Variants in PLEKHG1 observed in about 807,000 individuals in gnomAD.
The protein encoded by PLEKHG1 is pleckstrin homology and RhoGEF domain containing G1, also known as pleckstrin homology domain-containing family G member 1.
PLEKHG1 carries 44 observed loss-of-function variants against 100.8 expected under a neutral mutation model. The observed-to-expected ratio is 0.44, with a 90% CI of 0.34 to 0.56. The LOEUF is 0.56. PLEKHG1 is among the 20% of genes least tolerant of loss of function. PLEKHG1 has a pLI of 0.01. For synonymous variants in PLEKHG1, 640 were observed against 662.5 expected, an observed-to-expected ratio of 0.97 and a Z score of 0.52; for missense variants, 1,545 against 1,720.9, an observed-to-expected ratio of 0.90 and a Z score of 1.81.
intron 1 of PLEKHG1, among the ~76,000 whole-genome samples, chr6:150,613,947 AAGTT>A (rs1364118635): frequency 1.3e-5 from 2 of 152,200 alleles, no homozygotes; most frequent in African/African-American, 4.8e-5. Context: ...TAATAAAAAT[AAGTT>A]AGTCAGATTT....
chr6:150,721,683 G>A (rs879871362), intron 1 of PLEKHG1, among the ~76,000 whole-genome samples: 2 of 152,178 alleles, frequency 1.3e-5, no homozygotes, highest in African/African-American at 2.4e-5. Flanking sequence ...TCTGAGTCTA[G>A]TGGCAACCAA....
rs745991743 is a variant in PLEKHG1 at position 150,831,638 on chromosome 6, G to A, written c.2527G>A (p.Glu843Lys). The change falls in exon 15 of 16, where the codon GAA (glutamate) becomes AAA (lysine). Residue 843 changes from glutamate to lysine, a missense_variant. By Grantham distance (56) the Glu-to-Lys change is moderately conservative. Transcript: ENST00000358517. The surrounding 1 kb of genome is among the most constrained non-coding windows in gnomAD (Gnocchi z 4.1). Reference sequence around the variant, plus strand: ...AGTAGATGAAATCTGGAATGACCTGGAAAATTACATCAAGAAAAATGAAGA... The same window carrying A: ...AGTAGATGAAATCTGGAATGACCTGAAAAATTACATCAAGAAAAATGAAGA... The A allele has an allele frequency of 2.5e-6, 4 of 1,613,772 alleles. No homozygotes were observed. The highest frequency in any genetic ancestry group is 2.5e-6 in the Non-Finnish European group (3 of 1,180,000).
intron 3 of PLEKHG1, among the ~76,000 whole-genome samples, chr6:150,707,469 A>G (rs1781071339): frequency 6.6e-6 from 1 of 152,184 alleles, no homozygotes; most frequent in Non-Finnish European, 1.5e-5. Flanking sequence ...GGCAGATCAT[A>G]TAAAGGAGTG....
chr6:150,653,677 G>A (rs1778843241), intron 3 of PLEKHG1, among the ~76,000 whole-genome samples: 1 of 152,066 alleles, frequency 6.6e-6, no homozygotes. Context: ...GAACTCAGGA[G>A]GCAGAGGTTG....
chr6:150,618,075 G>GCAA (rs1297538432), intron 1 of PLEKHG1, among the ~76,000 whole-genome samples: 28 of 152,288 alleles, frequency 1.8e-4, no homozygotes, highest in African/African-American at 6.3e-4. Flanking sequence ...GATACAATTT[G>GCAA]CAAATAGTAA....
In PLEKHG1 at chr6:150,744,363, C is replaced by T. The variant is rs140010511; in HGVS notation, c.411+10271C>T. On this transcript the variant is annotated intron_variant, in intron 2 of 15. Coordinates refer to ENST00000358517, the Ensembl canonical transcript of PLEKHG1. ...TGTTGGGATTACAGGTGTGAGCCAC[C>T]GCGCCTGGCCCCTGCCCTTCTTTTA... Among the ~76,000 whole-genome samples the T allele has an allele frequency of 3.1e-4, 47 of 152,240 alleles. No individual in the cohort carries two copies. The East Asian group carries it at 7.9e-3, about 26-fold the overall frequency.
At chr6:150,770,251 A>G (rs1001855901) in intron 3 of PLEKHG1, among the ~76,000 whole-genome samples, 5 of 152,220 alleles carry the variant, frequency 3.3e-5, no homozygotes, top group African/African-American at 9.6e-5. Context: ...TAAAATTGGT[A>G]AATGTGAGCT....
chr6:150,787,030 CAAAAAAAAAAAAA>C (rs555809522), intron 4 of PLEKHG1, among the ~76,000 whole-genome samples: 5 of 58,026 alleles, frequency 8.6e-5, no homozygotes, highest in African/African-American at 1.6e-4. Flanking sequence ...GACTCTGTCT[CAAAAAAAAAAAAA>C]AAAAAAAAGA....
chr6:150,791,052 C>G (rs1785946736), intron 4 of PLEKHG1, among the ~76,000 whole-genome samples: 1 of 152,092 alleles, frequency 6.6e-6, no homozygotes, highest in East Asian at 1.9e-4. Context: ...AATATATACT[C>G]CTCTGGGGAG....
At chr6:150,731,529 G>A (rs1782257401) in intron 1 of PLEKHG1, among the ~76,000 whole-genome samples, 1 of 152,166 alleles carries the variant, frequency 6.6e-6, no homozygotes, top group Non-Finnish European at 1.5e-5. Flanking sequence ...AAAAATATTA[G>A]TACCAACTGT....
intron 14 of PLEKHG1, among the ~76,000 whole-genome samples, chr6:150,827,348 G>A (rs533417159): frequency 5.2e-4 from 78 of 151,436 alleles, no homozygotes; most frequent in Admixed American, 1.8e-3. Context: ...CACAATCTCG[G>A]CTCACTGCAA....
intron 5 of PLEKHG1, among the ~76,000 whole-genome samples, chr6:150,797,889 T>G (rs1786449305): frequency 8.0e-6 from 1 of 125,588 alleles, no homozygotes; most frequent in South Asian, 2.7e-4. Context: ...AAGCTAGAAG[T>G]TTAGAGGCTC....
intron 12 of PLEKHG1, among the ~76,000 whole-genome samples, chr6:150,820,817 A>G (rs1776251082): frequency 6.6e-6 from 1 of 152,198 alleles, no homozygotes; most frequent in Admixed American, 6.5e-5. Flanking sequence ...AGGAGCCGAG[A>G]TCGTACCATT....
chr6:150,822,991 A>T (rs936829194), intron 13 of PLEKHG1, among the ~76,000 whole-genome samples: 3 of 152,204 alleles, frequency 2.0e-5, no homozygotes, highest in Admixed American at 1.3e-4. Context: ...AAAAAAATAA[A>T]AAATAAATAA....
At chr6:150,814,825 T>G (rs1047949065) in intron 10 of PLEKHG1, among the ~76,000 whole-genome samples, 1 of 152,212 alleles carries the variant, frequency 6.6e-6, no homozygotes, top group African/African-American at 2.4e-5. Context: ...GGTTCAAGTA[T>G]TCTTGTGCCT....
At chr6:150,698,613 A>G (rs1464809742) in intron 3 of PLEKHG1, among the ~76,000 whole-genome samples, 1 of 152,172 alleles carries the variant, frequency 6.6e-6, no homozygotes, top group African/African-American at 2.4e-5. Flanking sequence ...TATTTGGGGA[A>G]ATGAAACAAA....
chr6:150,811,383 C>A (rs1787518579), intron 10 of PLEKHG1, among the ~76,000 whole-genome samples: 1 of 151,590 alleles, frequency 6.6e-6, no homozygotes, highest in African/African-American at 2.4e-5. Flanking sequence ...CATCCCACCA[C>A]CTCAGCCTCC....
At chr6:150,604,526 T>C (rs1776502533) in intron 1 of PLEKHG1, among the ~76,000 whole-genome samples, 1 of 152,226 alleles carries the variant, frequency 6.6e-6, no homozygotes, top group Non-Finnish European at 1.5e-5. Flanking sequence ...GCAGCTATAG[T>C]TTGCTGGCTC....
chr6:150,788,055 CTG>C (rs762855397), intron 4 of PLEKHG1, among the ~76,000 whole-genome samples: 1 of 152,242 alleles, frequency 6.6e-6, no homozygotes, highest in Non-Finnish European at 1.5e-5. Context: ...TTACTGGTAA[CTG>C]TAATCACAAG....
Sources: gnomAD v4.1 joint callset for allele counts (sites outside exome capture counted in the v4.1 genomes callset) on GRCh38, gnomAD v4.1.1 for gene constraint, Gnocchi (gnomAD v3.1) non-coding constraint, MANE v1.5 for transcripts, NCBI Gene and HGNC (gene_info 2026-07-23, HGNC 2026-07-21) for gene names.